USP16: variants seen among roughly 807,000 people sequenced by gnomAD.
USP16 encodes the protein ubiquitin carboxyl-terminal hydrolase 16.
In USP16, 77 loss-of-function variants were observed where a neutral mutation model predicts 95.9. That is an observed-to-expected ratio of 0.80 (90% confidence interval 0.67 to 0.97). The LOEUF (loss-of-function observed/expected upper bound fraction) is 0.97, where lower values mean the gene tolerates loss of function less well. Ranked by LOEUF, USP16 falls within the 50% of genes least tolerant of loss-of-function variation. The pLI, the probability that USP16 is intolerant of heterozygous loss-of-function variation, is 0.00. For synonymous variants in USP16, 303 were observed against 318.2 expected, an observed-to-expected ratio of 0.95 and a Z score of 0.51; for missense variants, 943 against 959.9, an observed-to-expected ratio of 0.98 and a Z score of 0.23.
intron 2 of USP16, among the ~76,000 whole-genome samples, chr21:29,029,473 G>A (rs1322301384): frequency 1.3e-5 from 2 of 152,174 alleles, no homozygotes; most frequent in East Asian, 3.8e-4. Flanking sequence ...TTTGACTACT[G>A]AGATTTGGTA....
rs1344036127 is a variant in USP16, at chr21:29,043,470, G to A, written c.1227G>A (p.Glu409=). Residue 409 remains glutamate, a synonymous_variant, in exon 13 of 18, where the codon GAG becomes GAA. Coordinates refer to ENST00000399976, the MANE Select transcript of USP16 (RefSeq NM_006447.3). ...VNDKNLKKTV[E]DEDQDSEEEK... ...ATAAAAATCTGAAAAAGACAGTGGA[G>A]GATGAAGATCAAGATAGTGAGGAAG... The A allele has an allele frequency of 1.3e-6, 2 of 1,576,618 alleles. No homozygotes were observed. Among genetic ancestry groups the A allele is most frequent in the Non-Finnish European group, 1.7e-6 (2 of 1,165,006 alleles).
chr21:29,032,283 G>A (rs2085088544), intron 3 of USP16, among the ~76,000 whole-genome samples: 1 of 152,082 alleles, frequency 6.6e-6, no homozygotes, highest in Admixed American at 6.6e-5. Context: ...CCAGGCTGGA[G>A]TTCAGCGGTA....
In USP16 at chr21:29,037,438, CAT is replaced by C. The variant is rs1339585128; in HGVS notation, c.612_613del (p.Cys205PhefsTer16). ...AAAGGACTCAGTAATTTGGGAAACA[CAT>C]GTTTCTTCAATGCAGTTATGCAGGT... On this transcript the variant is annotated frameshift_variant, in exon 6 of 18. Coordinates refer to ENST00000399976, the MANE Select transcript of USP16 (RefSeq NM_006447.3). LOFTEE classifies it high-confidence loss of function. 2 of 1,595,342 alleles carry C rather than the reference CAT, an allele frequency of 1.3e-6. No homozygotes were observed. Among genetic ancestry groups the C allele is most frequent in the Admixed American group, 1.8e-5 (1 of 56,044 alleles).
chr21:29,032,300 C>T (rs1261902193), intron 3 of USP16, among the ~76,000 whole-genome samples: 1 of 152,084 alleles, frequency 6.6e-6, no homozygotes, highest in African/African-American at 2.4e-5. Context: ...GGTATAATCA[C>T]GGCTCACGGC....
Position 29,050,112 on chromosome 21 carries a change from A to C in USP16, c.2127A>C (p.Lys709Asn). The C allele has an allele frequency of 6.2e-7, 1 of 1,613,360 alleles. No homozygotes were observed. The highest frequency in any genetic ancestry group is 1.1e-5 in the South Asian group (1 of 90,822). The change falls in exon 16 of 18, where the codon AAA becomes AAC. Residue 709 changes from lysine to asparagine, a missense_variant. Physicochemically the swap from Lys to Asn is moderately conservative, Grantham distance 94. Transcript: ENST00000399976. The stretch of plus-strand genomic sequence containing the variant: ...TTTAGGCTGGTTTTAACCTACGCAA[A>C]GTTAACAAACACATAAAGTTTCCGG... ...RFQQAGFNLR[K>N]VNKHIKFPEI...
At chr21:29,028,122 A>AAT in intron 2 of USP16, 148 bp downstream of exon 2, 2 of 564,740 alleles carry the variant, frequency 3.5e-6, no homozygotes, top group Non-Finnish European at 5.8e-6. Flanking sequence ...ATAGTCTTCT[A>AAT]CTTTTTTTTT....
rs1332341176 is a variant in USP16 at position 29,027,901 on chromosome 21, A to G, written c.-13A>G. The G allele has an allele frequency of 1.9e-6, 3 of 1,613,558 alleles. No homozygotes were observed. Among genetic ancestry groups the G allele is most frequent in the African/African-American group, 1.3e-5 (1 of 75,028 alleles). On this transcript the variant is annotated 5_prime_UTR_variant, in exon 2 of 18. Coordinates refer to ENST00000399976, the MANE Select transcript of USP16 (RefSeq NM_006447.3). ...GTTATTTTGTGTCAGTAAGTAATCCATAAAGTGCCAACATGGGAAAGAAAC... is the reference window on the plus strand; with the variant it reads ...GTTATTTTGTGTCAGTAAGTAATCCGTAAAGTGCCAACATGGGAAAGAAAC...
chr21:29,052,378 C>T (rs1482217370), intron 16 of USP16: 16 of 152,280 alleles, frequency 1.1e-4, no homozygotes, highest in Admixed American at 9.2e-4. Flanking sequence ...ACAGTCATGG[C>T]GGAAGGCAAG....
chr21:29,044,596 T>C (rs2085295949), intron 13 of USP16, among the ~76,000 whole-genome samples: 1 of 151,942 alleles, frequency 6.6e-6, no homozygotes, highest in African/African-American at 2.4e-5. Context: ...TACAGGCATG[T>C]GCCACCGTAC....
At chr21:29,039,361 C>A in intron 8 of USP16, 120 bp from the exon 9 acceptor site, 1 of 1,219,452 alleles carries the variant, frequency 8.2e-7, no homozygotes, top group Non-Finnish European at 1.1e-6. Flanking sequence ...ATGGACTAAA[C>A]GGAAATTTGT....
intron 2 of USP16, 112 bp downstream of exon 2, chr21:29,028,086 T>A: frequency 1.2e-6 from 1 of 811,210 alleles, no homozygotes; most frequent in Non-Finnish European, 1.9e-6. Flanking sequence ...CATTTTAATA[T>A]AATGTTTGTA....
In USP16 at chr21:29,048,797, A is replaced by C. The variant is rs763367489; in HGVS notation, c.2048A>C (p.Gln683Pro). Residue 683 changes from glutamine to proline, a missense_variant, in exon 15 of 18, where the codon CAG (glutamine) becomes CCG (proline). Physicochemically the swap from Gln to Pro is moderately conservative, Grantham distance 76. Transcript: ENST00000399976. ...RKHVYTNAKKQMLISLAPPVL... is the reference protein window; with the variant it reads ...RKHVYTNAKKPMLISLAPPVL... Reference sequence around the variant, plus strand: ...CATGTTTACACCAATGCCAAAAAGCAGATGCTAATTTCTCTTGCTCCTCCT... The same window carrying C: ...CATGTTTACACCAATGCCAAAAAGCCGATGCTAATTTCTCTTGCTCCTCCT... 6.2e-7 allele frequency: 1 copy of C among 1,613,914 alleles called. No individual in the cohort carries two copies. Among genetic ancestry groups the C allele is most frequent in the South Asian group, 1.1e-5 (1 of 91,080 alleles).
rs373447233 is a variant in USP16 at position 29,027,936 on chromosome 21, G to T, written c.23G>T (p.Gly8Val). The change falls in exon 2 of 18, where the codon GGA (glycine) becomes GTA (valine). Residue 8 changes from glycine to valine, a missense_variant. Physicochemically the swap from Gly to Val is moderately radical, Grantham distance 109 (BLOSUM62 -3). Transcript: ENST00000399976. Reference sequence around the variant, plus strand: ...AACATGGGAAAGAAACGGACAAAGGGAAAAACTGTTCCAATCGATGATTCC... The same window carrying T: ...AACATGGGAAAGAAACGGACAAAGGTAAAAACTGTTCCAATCGATGATTCC... MGKKRTK[G>V]KTVPIDDSSE... 2.0e-5 allele frequency: 32 copies of T among 1,613,364 alleles called. No individual in the cohort carries two copies. The Middle Eastern group carries it at 8.2e-4, about 41-fold the overall frequency.
intron 10 of USP16, 132 bp from the exon 11 acceptor site, chr21:29,041,881 G>A (rs1324742804): frequency 2.9e-6 from 2 of 687,312 alleles, no homozygotes; most frequent in Non-Finnish European, 4.9e-6. Context: ...ATTATGAATG[G>A]AGGAAGAAGT....
chr21:29,043,359 AT>A (rs1175752515), intron 12 of USP16, 63 bp from the exon 13 acceptor site: 17 of 1,167,978 alleles, frequency 1.5e-5, no homozygotes, highest in African/African-American at 4.8e-5. Context: ...CATAGTGTGG[AT>A]TTTTTTTCAC....
At chr21:29,028,123 C>CTTT (rs35801969) in intron 2 of USP16, 149 bp downstream of exon 2, 1,290 of 428,524 alleles carry the variant, frequency 3.0e-3, no homozygotes, top group Middle Eastern at 4.2e-3. Flanking sequence ...TAGTCTTCTA[C>CTTT]TTTTTTTTTT....
rs201082088 is a variant in USP16, at chr21:29,042,085, T to C, written c.1103T>C (p.Met368Thr). 41 of 1,612,794 alleles carry C rather than the reference T, an allele frequency of 2.5e-5. No homozygotes were observed. The African/African-American group carries it at 4.5e-4, about 18-fold the overall frequency. ...GGTGGTGAACTAACTAGTATGATCA[T>C]GTGTGATCAATGCAGAACTGTAAGT... ...IFGGELTSMI[M>T]CDQCRTVSLV... is the part of the protein sequence containing the mutation. The change falls in exon 11 of 18, where the codon ATG becomes ACG. Residue 368 changes from methionine (M) to threonine (T), a missense_variant. By Grantham distance (81) the Met-to-Thr change is moderately conservative (BLOSUM62 -1). Transcript: ENST00000399976.
Position 29,046,726 on chromosome 21 carries a change from T to C in USP16, c.1416T>C (p.Thr472=). The change falls in exon 14 of 18, where the codon ACT becomes ACC. Residue 472 remains threonine (T), a synonymous_variant. Transcript: ENST00000399976. ...GKVLHLNDIC[T]IDHPEDSEYE... is the part of the protein sequence containing the mutation. Reference sequence around the variant, plus strand: ...TTCTTCATTTAAATGATATTTGTACTATTGACCATCCTGAAGACAGTGAAT... The same window carrying C: ...TTCTTCATTTAAATGATATTTGTACCATTGACCATCCTGAAGACAGTGAAT... 6.2e-7 allele frequency: 1 copy of C among 1,613,928 alleles called. No homozygotes were observed. Among genetic ancestry groups the C allele is most frequent in the Non-Finnish European group, 8.5e-7 (1 of 1,179,990 alleles).
rs1288069465 is a variant in USP16, at chr21:29,038,249, GT to G, written c.637-82del. The G allele has an allele frequency of 5.8e-6, 5 of 859,626 alleles. No homozygotes were observed. In the African/African-American group the frequency reaches 8.6e-5, roughly 15 times the overall value. The allele number at this position is 859,626 out of a possible 1,614,324, so 53.2% of individuals were successfully genotyped here. On this transcript the variant is annotated intron_variant, in intron 6 of 17. Coordinates refer to ENST00000399976, the MANE Select transcript of USP16 (RefSeq NM_006447.3). ...TTTTCAGTGTTGGTCATGATTTTCT[GT>G]TTTGATAGAATAGACACTTAAGAAG... is the stretch of plus-strand genomic sequence containing the variant.
Sources: gnomAD v4.1 joint callset for allele counts (sites outside exome capture counted in the v4.1 genomes callset) on GRCh38, gnomAD v4.1.1 for gene constraint, MANE v1.5 for transcripts, NCBI Gene and HGNC (gene_info 2026-07-23, HGNC 2026-07-21) for gene names.